Variants in TRIM37 observed in about 807,000 individuals in gnomAD.
TRIM37 encodes the protein tripartite motif containing 37, also known as E3 ubiquitin-protein ligase TRIM37.
TRIM37 carries 80 observed loss-of-function variants against 129.8 expected under a neutral mutation model. The ratio of observed to expected loss-of-function variants is 0.62; its 90% CI spans 0.51 to 0.74. The LOEUF is 0.74. TRIM37 is among the 30% of genes least tolerant of loss of function. The pLI, the probability that TRIM37 is intolerant of heterozygous loss-of-function variation, is 0.00. For synonymous variants in TRIM37, 389 were observed against 387.1 expected (o/e 1.00, Z -0.06); for missense variants, 1,054 against 1,176.5 (o/e 0.90, Z 1.52).
the TRIM37 span, among the ~76,000 whole-genome samples, chr17:58,975,010 AATT>A: frequency 2.7e-4 from 41 of 152,104 alleles, no homozygotes; most frequent in Admixed American, 5.2e-4. Flanking sequence ...CCTTATATGG[AATT>A]ATTATTATTA....
At chr17:58,986,437 G>T (rs1418212911) in intron 24 of TRIM37, among the ~76,000 whole-genome samples, 2 of 150,956 alleles carry the variant, frequency 1.3e-5, no homozygotes, top group Non-Finnish European at 2.9e-5. Flanking sequence ...GACCTCAGAT[G>T]ATCCACCCTC....
chr17:59,075,154 A>C (rs1026068596), intron 8 of TRIM37, among the ~76,000 whole-genome samples: 1 of 152,156 alleles, frequency 6.6e-6, no homozygotes, highest in Non-Finnish European at 1.5e-5. Context: ...ATGAAGAAAA[A>C]ACTTGGCAAG....
intron 20 of TRIM37, among the ~76,000 whole-genome samples, chr17:59,016,201 C>T (rs2145094953): frequency 6.6e-6 from 1 of 151,978 alleles, no homozygotes; most frequent in East Asian, 1.9e-4. Flanking sequence ...CAAGACCAGC[C>T]TGGCCAATGT....
intron 16 of TRIM37, among the ~76,000 whole-genome samples, chr17:59,046,593 G>A (rs957402886): frequency 6.7e-6 from 1 of 148,900 alleles, no homozygotes; most frequent in African/African-American, 2.5e-5. Flanking sequence ...CTGGAGTGCC[G>A]TGGCGTGATC....
rs544696410 is a variant in TRIM37 at position 59,075,425 on chromosome 17, G to A, written c.684+222C>T. On this transcript the variant is annotated intron_variant, in intron 8 of 23. Transcript: ENST00000262294. ...GAAAATACAAAAAAATTAGCCGGGC[G>A]TAGTGGTGGGCGCCTGTAGTCCCAG... 6.4e-4 allele frequency among the ~76,000 whole-genome samples: 98 copies of A among 151,958 alleles called. 1 individual carries two copies. In the South Asian group the frequency reaches 7.9e-3, roughly 12 times the overall value.
rs562047447 is a variant in TRIM37 at position 59,058,079 on chromosome 17, T to C, written c.1020-1025A>G. 2.0e-5 allele frequency among the ~76,000 whole-genome samples: 3 copies of C among 152,210 alleles called. No individual in the cohort carries two copies. In the South Asian group the frequency reaches 6.2e-4, roughly 31 times the overall value. On this transcript the variant is annotated intron_variant, in intron 12 of 23. Coordinates refer to ENST00000262294, the MANE Select transcript of TRIM37 (RefSeq NM_015294.6). The stretch of plus-strand genomic sequence containing the variant: ...GGTTTATCACCTTGCAATTTTAAAA[T>C]ATAAATTTTGAAATACTCTACTGTA...
At position 58,999,012 on chromosome 17, in the gene TRIM37, C is replaced by T. The variant is rs2033322712; in HGVS notation, c.*365G>A. The T allele has an allele frequency of 8.9e-7, 1 of 1,120,724 alleles. No homozygotes were observed. The highest frequency in any genetic ancestry group is 1.7e-5 in the African/African-American group (1 of 60,368). The allele number at this position is 1,120,724 out of a possible 1,614,324, so 69.4% of individuals were successfully genotyped here. ...GCTCTAGCCAAAGACAGTAGAGCAC[C>T]AATGCCGGGCGGGTTACTGACGGCA... On this transcript the variant is annotated 3_prime_UTR_variant, in exon 24 of 24. Coordinates refer to ENST00000262294, the MANE Select transcript of TRIM37 (RefSeq NM_015294.6).
intron 17 of TRIM37, among the ~76,000 whole-genome samples, chr17:59,034,869 G>A (rs1267116193): frequency 1.3e-5 from 2 of 151,934 alleles, no homozygotes; most frequent in African/African-American, 4.8e-5. Context: ...TCCTAAAATT[G>A]CTCACTACTC....
chr17:58,976,693 T>C, the TRIM37 span, among the ~76,000 whole-genome samples: 6 of 152,130 alleles, frequency 3.9e-5, no homozygotes, highest in Non-Finnish European at 8.8e-5. Flanking sequence ...CTACCAAATT[T>C]GGGGGCGAAA....
chr17:59,104,286 A>T lies in TRIM37; in HGVS notation c.123+7T>A. The T allele has an allele frequency of 6.2e-7, 1 of 1,612,068 alleles. No individual in the cohort carries two copies. The highest frequency in any genetic ancestry group is 8.5e-7 in the Non-Finnish European group (1 of 1,178,078). On this transcript the variant is annotated splice_region_variant and intron_variant, in intron 2 of 23. Transcript: ENST00000262294. Reference sequence around the variant, plus strand: ...ACTAACTGCATGTAAAAAGAAATACAACTTACCCTAATACAGCTGAAACAA... The same window carrying T: ...ACTAACTGCATGTAAAAAGAAATACTACTTACCCTAATACAGCTGAAACAA...
chr17:59,056,451 C>T (rs1407728275), intron 13 of TRIM37, among the ~76,000 whole-genome samples: 3 of 151,886 alleles, frequency 2.0e-5, no homozygotes, highest in Admixed American at 6.6e-5. Flanking sequence ...GATAAGGGGC[C>T]GGGCACGGTG....
chr17:59,006,696 C>A (rs966461761), intron 22 of TRIM37, among the ~76,000 whole-genome samples: 3 of 152,100 alleles, frequency 2.0e-5, no homozygotes, highest in African/African-American at 7.2e-5. Context: ...CGAGACCAGC[C>A]TGGCTAACAT....
intron 2 of TRIM37, among the ~76,000 whole-genome samples, chr17:59,094,674 AAAGG>A (rs1439369451): frequency 6.6e-6 from 1 of 152,192 alleles, no homozygotes; most frequent in Non-Finnish European, 1.5e-5. Flanking sequence ...ATGTGAGGAA[AAAGG>A]AAGATTAAGG....
chr17:58,981,260 T>A (rs1362583777), downstream of TRIM37: 2 of 477,966 alleles, frequency 4.2e-6, no homozygotes, highest in African/African-American at 2.0e-5. Flanking sequence ...CTGTGATGTG[T>A]CTCGACACCA....
At chr17:59,046,438 C>A (rs1692815381) in intron 16 of TRIM37, among the ~76,000 whole-genome samples, 1 of 152,120 alleles carries the variant, frequency 6.6e-6, no homozygotes, top group Non-Finnish European at 1.5e-5. Context: ...AGTGTGTAAC[C>A]TCTATCTAAT....
chr17:59,013,349 T>C (rs767158946), intron 21 of TRIM37, among the ~76,000 whole-genome samples: 3 of 152,130 alleles, frequency 2.0e-5, no homozygotes, highest in African/African-American at 2.4e-5. Context: ...TGTTTCACCA[T>C]GATGGCCAGG....
At chr17:59,009,483 T>A (rs1235856241) in intron 22 of TRIM37, among the ~76,000 whole-genome samples, 1 of 150,702 alleles carries the variant, frequency 6.6e-6, no homozygotes, top group Non-Finnish European at 1.5e-5. Flanking sequence ...TTCACTCTTG[T>A]TGCCCAGGCT....
At chr17:59,008,902 T>A (rs1444235571) in intron 22 of TRIM37, among the ~76,000 whole-genome samples, 1 of 152,174 alleles carries the variant, frequency 6.6e-6, no homozygotes, top group Non-Finnish European at 1.5e-5. Context: ...CCTATTCAAA[T>A]GACAAAGTTC....
intron 16 of TRIM37, 71 bp downstream of exon 16, chr17:59,047,612 G>A: frequency 2.0e-6 from 3 of 1,467,112 alleles, no homozygotes; most frequent in Non-Finnish European, 2.8e-6. Flanking sequence ...CTACATTTAA[G>A]TGTGAGTTAG....
Sources: gnomAD v4.1 joint callset for allele counts (sites outside exome capture counted in the v4.1 genomes callset) on GRCh38, gnomAD v4.1.1 for gene constraint, MANE v1.5 for transcripts, NCBI Gene and HGNC (gene_info 2026-07-23, HGNC 2026-07-21) for gene names.